TSEN2: variants seen among roughly 807,000 people sequenced by gnomAD.
TSEN2 encodes the protein tRNA splicing endonuclease subunit 2, also known as tRNA-splicing endonuclease subunit Sen2.
Under a neutral mutation model 59.2 loss-of-function variants are expected in TSEN2, and 54 were observed. The observed-to-expected ratio is 0.91, with a 90% CI of 0.73 to 1.14. The LOEUF is 1.14. Among genes scored for constraint, TSEN2 ranks in the 50% most tolerant of loss-of-function variants. TSEN2 has a pLI of 0.00. For missense variants in TSEN2, 636 were observed against 576.2 expected, an observed-to-expected ratio of 1.10 and a Z score of -1.06; for synonymous variants, 195 against 198.2, an observed-to-expected ratio of 0.98 and a Z score of 0.14.
intron 6 of TSEN2, chr3:12,506,601 T>A: frequency 2.0e-5 from 14 of 690,958 alleles, no homozygotes; most frequent in Non-Finnish European, 2.3e-5. Flanking sequence ...AAAAAGTGGC[T>A]AAAAGTGGCC....
upstream of TSEN2, among the ~76,000 whole-genome samples, chr3:12,481,983 A>G (rs1417205433): frequency 1.3e-5 from 2 of 152,120 alleles, no homozygotes; most frequent in Non-Finnish European, 2.9e-5. Context: ...GTCCTTATCT[A>G]TTAGAGATAC....
At chr3:12,482,962 G>C (rs1436013933), upstream of TSEN2, among the ~76,000 whole-genome samples, 2 of 152,114 alleles carry the variant, frequency 1.3e-5, no homozygotes, top group African/African-American at 2.4e-5. Context: ...AAAGCTCTTT[G>C]ATTTTGGTTT....
chr3:12,483,973 T>C (rs571829003), upstream of TSEN2, among the ~76,000 whole-genome samples: 41 of 152,324 alleles, frequency 2.7e-4, no homozygotes, highest in Admixed American at 9.1e-4. Flanking sequence ...GTCCCTTAAC[T>C]GCACAGGCAG....
Position 12,512,242 on chromosome 3 carries a change from A to G in TSEN2, c.910-4369A>G, listed in dbSNP as rs1489184056. On this transcript the variant is annotated intron_variant, in intron 6 of 11. Coordinates refer to ENST00000284995, the MANE Select transcript of TSEN2 (RefSeq NM_025265.4). Reference sequence around the variant, plus strand: ...GCTTTAGTTCACAAAATGGCAGAATATTTTTAAATGAATATATTTTCTGTA... The same window carrying G: ...GCTTTAGTTCACAAAATGGCAGAATGTTTTTAAATGAATATATTTTCTGTA... 2.6e-5 allele frequency among the ~76,000 whole-genome samples: 4 copies of G among 152,202 alleles called. No individual in the cohort carries two copies. The East Asian group carries it at 7.7e-4, about 29-fold the overall frequency.
intron 7 of TSEN2, among the ~76,000 whole-genome samples, chr3:12,517,418 A>G (rs2056246856): frequency 6.6e-6 from 1 of 151,950 alleles, no homozygotes; most frequent in Non-Finnish European, 1.5e-5. Flanking sequence ...TAAATAATGT[A>G]CCCAAAGTCA....
intron 6 of TSEN2, 121 bp from the exon 7 acceptor site, chr3:12,516,490 C>A: frequency 4.5e-5 from 24 of 536,788 alleles, no homozygotes; most frequent in Admixed American, 6.9e-5. Context: ...GTGTGTGTGA[C>A]CTTTTTGATG....
chr3:12,491,259 C>A (rs1481081534), intron 2 of TSEN2, among the ~76,000 whole-genome samples: 2 of 151,972 alleles, frequency 1.3e-5, no homozygotes, highest in African/African-American at 4.8e-5. Context: ...CCCAAAGTGC[C>A]GGGATTACAG....
intron 1 of TSEN2, among the ~76,000 whole-genome samples, chr3:12,487,444 C>CT (rs570529843): frequency 9.8e-5 from 15 of 152,292 alleles, no homozygotes; most frequent in African/African-American, 3.1e-4. Context: ...AAATACAACT[C>CT]TTATTTGTTG....
rs76809009 is a variant in TSEN2, at chr3:12,489,686, A to G, written c.-17-98A>G. On this transcript the variant is annotated intron_variant, in intron 1 of 11. Transcript: ENST00000284995. ...AATACTCTATTTCTTCCCACAGACC[A>G]CTAAGTTTTCTGAGCCTAGGTACAG... 3,438 of 974,494 alleles carry G rather than the reference A, an allele frequency of 3.5e-3. 18 individuals carry two copies. The highest frequency in any genetic ancestry group is 0.011 in the South Asian group (771 of 71,998). 60.4% of individuals were successfully genotyped at this position (974,494 alleles called of 1,614,324 possible).
intron 3 of TSEN2, 77 bp from the exon 4 acceptor site, chr3:12,496,441 C>T (rs2124992641): frequency 2.7e-6 from 4 of 1,466,630 alleles, no homozygotes; most frequent in Non-Finnish European, 3.8e-6. Flanking sequence ...TTAAAATTCT[C>T]AGTCTTTCCT....
intron 4 of TSEN2, among the ~76,000 whole-genome samples, chr3:12,497,942 C>G (rs535349121): frequency 6.6e-6 from 1 of 152,278 alleles, no homozygotes; most frequent in African/African-American, 2.4e-5. Flanking sequence ...CCTTGCCTGC[C>G]TTCACTGCTG....
At chr3:12,505,526 C>T (rs558435828) in intron 6 of TSEN2, 4 of 331,388 alleles carry the variant, frequency 1.2e-5, no homozygotes, top group South Asian at 2.9e-5. Context: ...CGGGGGCTCA[C>T]ACCTGTGATC....
intron 7 of TSEN2, among the ~76,000 whole-genome samples, chr3:12,518,704 CTT>C (rs11360113): frequency 3.6e-4 from 53 of 145,468 alleles, no homozygotes; most frequent in African/African-American, 3.8e-4. Context: ...TATATTCTCT[CTT>C]TTTTTTTTTT....
intron 8 of TSEN2, among the ~76,000 whole-genome samples, chr3:12,527,807 G>C (rs1236316785): frequency 6.6e-6 from 1 of 152,098 alleles, no homozygotes; most frequent in Non-Finnish European, 1.5e-5. Context: ...CCAAGGTCAC[G>C]TTCCATACCT....
chr3:12,507,410 G>A (rs1032710421), intron 6 of TSEN2, among the ~76,000 whole-genome samples: 3 of 152,078 alleles, frequency 2.0e-5, no homozygotes, highest in African/African-American at 7.2e-5. Flanking sequence ...TGTAAAGTGG[G>A]GGCTATGTAA....
intron 4 of TSEN2, among the ~76,000 whole-genome samples, chr3:12,496,937 C>A (rs1472899205): frequency 2.0e-5 from 3 of 152,202 alleles, no homozygotes; most frequent in African/African-American, 7.2e-5. Context: ...GAGGCTTTCA[C>A]AGAGGCCCTT....
At chr3:12,529,380 T>TG (rs1241407248) in intron 9 of TSEN2, among the ~76,000 whole-genome samples, 1 of 150,790 alleles carries the variant, frequency 6.6e-6, no homozygotes, top group Non-Finnish European at 1.5e-5. Context: ...GGCAGAGAAT[T>TG]GCTTGAACCC....
intron 6 of TSEN2, among the ~76,000 whole-genome samples, chr3:12,507,823 A>G (rs765320262): frequency 3.3e-5 from 5 of 152,364 alleles, no homozygotes; most frequent in African/African-American, 1.2e-4. Flanking sequence ...GAATGAATGT[A>G]CAAGATAGGG....
chr3:12,489,554 C>G (rs777618691), intron 1 of TSEN2, among the ~76,000 whole-genome samples: 9 of 152,158 alleles, frequency 5.9e-5, no homozygotes, highest in Non-Finnish European at 1.0e-4. Context: ...AAGATTACCA[C>G]TCATTTCCTG....
Sources: allele counts gnomAD v4.1 joint callset (sites outside exome capture counted in the v4.1 genomes callset), GRCh38; gene constraint gnomAD v4.1.1; transcripts MANE v1.5; gene names NCBI Gene and HGNC (gene_info 2026-07-23, HGNC 2026-07-21).